Variants in KHK observed in about 807,000 individuals in gnomAD.
KHK encodes the protein ketohexokinase, also known as fructokinase.
A neutral mutation model predicts 36.0 loss-of-function variants in KHK; 37 were observed. That is an observed-to-expected ratio of 1.03 (90% CI 0.79 to 1.35). The LOEUF (loss-of-function observed/expected upper bound fraction) is 1.35, where lower values mean the gene tolerates loss of function less well. Ranked by LOEUF, KHK falls within the 40% of genes most tolerant of loss-of-function variation. KHK has a pLI of 0.00. For synonymous variants in KHK, 161 were observed against 162.8 expected, an observed-to-expected ratio of 0.99 and a Z score of 0.08; for missense variants, 395 against 391.9, an observed-to-expected ratio of 1.01 and a Z score of -0.07.
In KHK at chr2:27,097,357, C is replaced by G. The variant is rs561757894; in HGVS notation, c.418-146C>G. 1,257 of 956,366 alleles carry G rather than the reference C, an allele frequency of 1.3e-3. 6 individuals are homozygous for G. The highest frequency in any genetic ancestry group is 1.0e-3 in the Non-Finnish European group (641 of 619,282). The allele number at this position is 956,366 out of a possible 1,614,324, so 59.2% of individuals were successfully genotyped here. ...AAGGTCTTCAAAGTCCACGACAGCT[C>G]TGAATGTTGTAATTTAGGATGGGGT... On this transcript the variant is annotated intron_variant, in intron 4 of 7. Transcript: ENST00000260598.
chr2:27,091,004 C>T lies in KHK; in HGVS notation c.93-1328C>T, dbSNP rs1035320228. On this transcript the variant is annotated intron_variant, in intron 1 of 7. Coordinates refer to ENST00000260598, the MANE Select transcript of KHK (RefSeq NM_006488.3). Reference sequence around the variant, plus strand: ...TGGGGAAGTTGAGGCTGCAGTGAACCATGATCATGCCATTGCACTCCAGCC... The same window carrying T: ...TGGGGAAGTTGAGGCTGCAGTGAACTATGATCATGCCATTGCACTCCAGCC... 2.6e-5 allele frequency among the ~76,000 whole-genome samples: 4 copies of T among 151,966 alleles called. No homozygotes were observed. The South Asian group carries it at 8.3e-4, about 32-fold the overall frequency.
intron 1 of KHK, among the ~76,000 whole-genome samples, chr2:27,091,206 G>A (rs893069093): frequency 6.6e-6 from 1 of 152,166 alleles, no homozygotes; most frequent in Non-Finnish European, 1.5e-5. Context: ...TCAGCCTCCT[G>A]AGTAGCTGGG....
chr2:27,100,085 A>C lies in KHK; in HGVS notation c.*335A>C. 1 of 595,752 alleles carries C rather than the reference A, an allele frequency of 1.7e-6. No individual in the cohort carries two copies. 36.9% of individuals were successfully genotyped at this position (595,752 alleles called of 1,614,324 possible). A position where few individuals can be genotyped will look rare whatever the true frequency, so the allele number is the denominator to read the frequency against. ...TAACCTCTCCGCCCAGGCCCAGAGG[A>C]GGGGCTGCCTGGGCTAGAGCAGCGA... On this transcript the variant is annotated 3_prime_UTR_variant, in exon 8 of 8. Transcript: ENST00000260598.
At chr2:27,094,594 C>T (rs760155933) in intron 2 of KHK, 15 of 1,614,192 alleles carry the variant, frequency 9.3e-6, no homozygotes, top group Non-Finnish European at 1.1e-5. Context: ...GTAGCCGCAC[C>T]ATCCTATACT....
At chr2:27,095,663 A>AT (rs1670290089) in intron 3 of KHK, among the ~76,000 whole-genome samples, 1 of 152,206 alleles carries the variant, frequency 6.6e-6, no homozygotes, top group African/African-American at 2.4e-5. Flanking sequence ...TGTACTAAGA[A>AT]CCTAGTACGT....
chr2:27,095,518 C>T (rs995713849), intron 3 of KHK, among the ~76,000 whole-genome samples: 2 of 152,232 alleles, frequency 1.3e-5, no homozygotes, highest in African/African-American at 4.8e-5. Flanking sequence ...AGATCAGGGT[C>T]ATCTAACATG....
chr2:27,090,095 G>A (rs1299297074), intron 1 of KHK, among the ~76,000 whole-genome samples: 5 of 152,118 alleles, frequency 3.3e-5, no homozygotes, highest in East Asian at 1.9e-4. Flanking sequence ...CAGGCGATCC[G>A]CCTGCCTCAG....
chr2:27,089,086 G>T (rs1669835214), intron 1 of KHK, among the ~76,000 whole-genome samples: 2 of 152,196 alleles, frequency 1.3e-5, no homozygotes, highest in Non-Finnish European at 2.9e-5. Flanking sequence ...TACAGATAAG[G>T]AAGCTGAAGA....
chr2:27,094,948 G>A lies in KHK; in HGVS notation c.344+14G>A. 6.2e-7 allele frequency: 1 copy of A among 1,613,584 alleles called. No homozygotes were observed. Among genetic ancestry groups the A allele is most frequent in the Non-Finnish European group, 8.5e-7 (1 of 1,180,028 alleles). ...GCTCCATGACACGTAAGGCCCCCGG[G>A]CCTCGCCCTGCTACAACCCACCAAT... On this transcript the variant is annotated intron_variant, in intron 3 of 7. Transcript: ENST00000260598.
intron 4 of KHK, among the ~76,000 whole-genome samples, chr2:27,097,117 C>A (rs1258965208): frequency 2.0e-5 from 3 of 152,162 alleles, no homozygotes; most frequent in Non-Finnish European, 4.4e-5. Context: ...AGGGCCTGAC[C>A]CATTACCTCT....
chr2:27,087,008 G>A lies in KHK; in HGVS notation c.-252G>A, dbSNP rs1331227777. 2.4e-6 allele frequency: 1 copy of A among 419,414 alleles called. No homozygotes were observed. Among genetic ancestry groups the A allele is most frequent in the Non-Finnish European group, 4.3e-6 (1 of 231,838 alleles). 26.0% of individuals were successfully genotyped at this position (419,414 alleles called of 1,614,324 possible). ...TGCAGGCCCAGGCAACCTGCTACGGGAAGACCGGGGACCAAGACCTCTGGG... is the reference window on the plus strand; with the variant it reads ...TGCAGGCCCAGGCAACCTGCTACGGAAAGACCGGGGACCAAGACCTCTGGG... On this transcript the variant is annotated 5_prime_UTR_variant, in exon 1 of 8. Coordinates refer to ENST00000260598, the MANE Select transcript of KHK (RefSeq NM_006488.3).
Position 27,092,355 on chromosome 2 carries a change from G to A in KHK, c.116G>A (p.Arg39His), listed in dbSNP as rs200514692. ...AGGTGTTTGTCCCAGAGATGGCAGC[G>A]CGGAGGCAACGCGTCCAACTCCTGC... ...EIRCLSQRWQRGGNASNSCTV... is the reference protein window; with the variant it reads ...EIRCLSQRWQHGGNASNSCTV... The change falls in exon 2 of 8, where the codon CGC (arginine) becomes CAC (histidine). Residue 39 changes from arginine (R) to histidine (H), a missense_variant. By Grantham distance (29) the Arg-to-His change is conservative. Coordinates refer to ENST00000260598, the MANE Select transcript of KHK (RefSeq NM_006488.3). The A allele has an allele frequency of 3.5e-5, 57 of 1,613,220 alleles. No individual in the cohort carries two copies. The highest frequency in any genetic ancestry group is 4.5e-5 in the East Asian group (2 of 44,884).
In KHK at chr2:27,096,924, T is replaced by G. The variant is rs1255508055; in HGVS notation, c.417+123T>G. ...AGATAAATGAACCCAACCCCCTCAT[T>G]CTCTCTCCATCTTTCCTTATGTCTT... On this transcript the variant is annotated intron_variant, in intron 4 of 7. Coordinates refer to ENST00000260598, the MANE Select transcript of KHK (RefSeq NM_006488.3). 6.3e-5 allele frequency: 47 copies of G among 745,846 alleles called. 1 individual carries two copies. The allele number at this position is 745,846 out of a possible 1,614,324, so 46.2% of individuals were successfully genotyped here. A position where few individuals can be genotyped will look rare whatever the true frequency, so the allele number is the denominator to read the frequency against.
At chr2:27,095,832 T>A (rs957964040) in intron 3 of KHK, among the ~76,000 whole-genome samples, 1 of 152,208 alleles carries the variant, frequency 6.6e-6, no homozygotes, top group Non-Finnish European at 1.5e-5. Flanking sequence ...GTGCTACAGG[T>A]GACCTTCGCA....
intron 5 of KHK, among the ~76,000 whole-genome samples, chr2:27,098,678 G>A (rs1212710323): frequency 6.6e-6 from 1 of 152,080 alleles, no homozygotes; most frequent in African/African-American, 2.4e-5. Context: ...TAGTGTTGAG[G>A]GAGCCTCTTT....
chr2:27,094,671 A>G (rs1434915211), intron 2 of KHK, 129 bp from the exon 3 acceptor site: 2 of 1,613,538 alleles, frequency 1.2e-6, no homozygotes, highest in African/African-American at 2.7e-5. Context: ...CTCCCAGAAC[A>G]GGACTCTTCT....
chr2:27,099,998 T>C lies in KHK; in HGVS notation c.*248T>C. ...TCTCCTCTCAATGTCTGAACTGCTC[T>C]GGCTGGGCATTCCTGAGGCTCTGAC... On this transcript the variant is annotated 3_prime_UTR_variant, in exon 8 of 8. Coordinates refer to ENST00000260598, the MANE Select transcript of KHK (RefSeq NM_006488.3). 1 of 761,534 alleles carries C rather than the reference T, an allele frequency of 1.3e-6. No individual in the cohort carries two copies. Among genetic ancestry groups the C allele is most frequent in the African/African-American group, 1.8e-5 (1 of 54,122 alleles). The allele number at this position is 761,534 out of a possible 1,614,324, so 47.2% of individuals were successfully genotyped here.
intron 3 of KHK, among the ~76,000 whole-genome samples, chr2:27,096,023 G>A (rs1460603157): frequency 6.6e-6 from 1 of 152,230 alleles, no homozygotes; most frequent in Non-Finnish European, 1.5e-5. Context: ...GGGGCTGGGG[G>A]TTTCAGCCCC....
At chr2:27,092,526 G>C in intron 2 of KHK, 78 bp downstream of exon 2, 1 of 1,042,120 alleles carries the variant, frequency 9.6e-7, no homozygotes, top group Non-Finnish European at 1.5e-6. Context: ...TCCACCCTGG[G>C]TGGATGGGGG....
Sources: allele counts gnomAD v4.1 joint callset (sites outside exome capture counted in the v4.1 genomes callset), GRCh38; gene constraint gnomAD v4.1.1; transcripts MANE v1.5; gene names NCBI Gene and HGNC (gene_info 2026-07-23, HGNC 2026-07-21).